CDH13: variants seen among roughly 807,000 people sequenced by gnomAD.
CDH13 encodes the protein cadherin 13, also known as cadherin-13.
A neutral mutation model predicts 63.8 loss-of-function variants in CDH13; 24 were observed. That is an observed-to-expected ratio of 0.38 (90% CI 0.27 to 0.53). The LOEUF is 0.53. Ranked by LOEUF, CDH13 falls within the 20% of genes least tolerant of loss-of-function variation. The pLI is 0.85. For synonymous variants in CDH13, 503 were observed against 355.3 expected, an observed-to-expected ratio of 1.42 and a Z score of -4.67; for missense variants, 1,049 against 903.1, an observed-to-expected ratio of 1.16 and a Z score of -2.07.
chr16:83,507,203 G>A (rs1004261239), intron 7 of CDH13, among the ~76,000 whole-genome samples: 3 of 152,102 alleles, frequency 2.0e-5, no homozygotes, highest in Non-Finnish European at 4.4e-5. Context: ...AGATTGTTTA[G>A]CATTCTATTA....
intron 2 of CDH13, among the ~76,000 whole-genome samples, chr16:82,967,250 C>A (rs1340914220): frequency 6.6e-6 from 1 of 152,012 alleles, no homozygotes; most frequent in Admixed American, 6.6e-5. Flanking sequence ...TCCTCACAAA[C>A]TCCCCTCTAC....
At position 82,987,208 on chromosome 16, in the gene CDH13, T is replaced by G. The variant is rs532410080; in HGVS notation, c.158-44802T>G. ...ATTCTCATGATTCAACTTCCCTGTC[T>G]TCTTTGGTTCTTCCAGTTACTGCTG... On this transcript the variant is annotated intron_variant, in intron 2 of 13. Coordinates refer to ENST00000567109, the MANE Select transcript of CDH13 (RefSeq NM_001257.5). Among the ~76,000 whole-genome samples, 309 of 152,298 alleles carry G rather than the reference T, an allele frequency of 2.0e-3. 2 individuals are homozygous for G. Among genetic ancestry groups the G allele is most frequent in the Middle Eastern group, 0.017 (5 of 294 alleles).
At chr16:83,391,859 G>C (rs971846687) in intron 6 of CDH13, among the ~76,000 whole-genome samples, 1 of 152,192 alleles carries the variant, frequency 6.6e-6, no homozygotes, top group African/African-American at 2.4e-5. Context: ...ATGTTCATCT[G>C]TACGAAAATA....
At chr16:82,961,932 C>G (rs1907076423) in intron 2 of CDH13, among the ~76,000 whole-genome samples, 1 of 152,158 alleles carries the variant, frequency 6.6e-6, no homozygotes, top group Non-Finnish European at 1.5e-5. Flanking sequence ...TATCTGGCCC[C>G]AAACATCGAT....
chr16:83,753,338 G>A (rs1448725300), intron 11 of CDH13, among the ~76,000 whole-genome samples: 2 of 152,118 alleles, frequency 1.3e-5, no homozygotes, highest in Non-Finnish European at 1.5e-5. Flanking sequence ...GAACCTAGGA[G>A]TTCAAAACCA....
intron 7 of CDH13, among the ~76,000 whole-genome samples, chr16:83,579,590 G>T (rs114237962): frequency 6.6e-6 from 1 of 151,992 alleles, no homozygotes; most frequent in Non-Finnish European, 1.5e-5. Context: ...CTCCCACCAG[G>T]TTCCTCCTCC....
chr16:82,751,935 C>G (rs907587584), intron 1 of CDH13, among the ~76,000 whole-genome samples: 1 of 152,128 alleles, frequency 6.6e-6, no homozygotes, highest in Non-Finnish European at 1.5e-5. Context: ...ACTTAACTGA[C>G]GAATTTATCG....
At chr16:83,709,763 A>G (rs553416749) in intron 10 of CDH13, among the ~76,000 whole-genome samples, 2 of 152,240 alleles carry the variant, frequency 1.3e-5, no homozygotes, top group South Asian at 2.1e-4. Context: ...AGACTTTGTC[A>G]TCCTGTGTAA....
chr16:83,664,573 G>A (rs1180468177), intron 8 of CDH13, among the ~76,000 whole-genome samples: 1 of 150,496 alleles, frequency 6.6e-6, no homozygotes, highest in African/African-American at 2.4e-5. Context: ...TATATATAGT[G>A]CACACAAACA....
intron 10 of CDH13, among the ~76,000 whole-genome samples, chr16:83,708,198 C>A (rs1415737233): frequency 6.6e-6 from 1 of 152,212 alleles, no homozygotes; most frequent in African/African-American, 2.4e-5. Context: ...ACGACAAAAG[C>A]GTCCTTTTGC....
chr16:82,881,681 C>T (rs1405318014), intron 2 of CDH13, among the ~76,000 whole-genome samples: 1 of 152,154 alleles, frequency 6.6e-6, no homozygotes, highest in Non-Finnish European at 1.5e-5. Flanking sequence ...GAAAACAAAG[C>T]CATCTGGTAT....
intron 2 of CDH13, among the ~76,000 whole-genome samples, chr16:83,019,959 T>A (rs1487787343): frequency 1.3e-5 from 2 of 152,176 alleles, no homozygotes; most frequent in Admixed American, 1.3e-4. Context: ...TTGACTTTTA[T>A]GACTGAAAGT....
chr16:83,305,614 T>C (rs1368293642), intron 5 of CDH13, among the ~76,000 whole-genome samples: 2 of 152,162 alleles, frequency 1.3e-5, no homozygotes, highest in African/African-American at 2.4e-5. Context: ...GCTATAACCT[T>C]GATGCAGTGG....
chr16:83,365,427 A>C (rs1367661128), intron 6 of CDH13, among the ~76,000 whole-genome samples: 1 of 152,192 alleles, frequency 6.6e-6, no homozygotes, highest in Non-Finnish European at 1.5e-5. Context: ...ATGCCCTTAC[A>C]TCCAGAATAA....
intron 1 of CDH13, among the ~76,000 whole-genome samples, chr16:82,714,035 G>A (rs923614073): frequency 2.0e-5 from 3 of 152,100 alleles, no homozygotes; most frequent in African/African-American, 4.8e-5. Context: ...CTGACCTCAG[G>A]TGATTCACCT....
chr16:82,682,543 A>G (rs990720303), intron 1 of CDH13, among the ~76,000 whole-genome samples: 43 of 152,258 alleles, frequency 2.8e-4, no homozygotes, highest in Non-Finnish European at 4.6e-4. Flanking sequence ...ATATCCAAGT[A>G]TGAAAGTTAA....
intron 12 of CDH13, among the ~76,000 whole-genome samples, chr16:83,781,337 A>T (rs760776256): frequency 2.0e-5 from 3 of 152,242 alleles, no homozygotes; most frequent in Non-Finnish European, 4.4e-5. Context: ...AAGAAAAAGA[A>T]AGACATTAGA....
At chr16:82,792,925 G>A (rs1323249454) in intron 1 of CDH13, among the ~76,000 whole-genome samples, 1 of 137,120 alleles carries the variant, frequency 7.3e-6, no homozygotes, top group Non-Finnish European at 1.7e-5. Flanking sequence ...CCATGGGCTT[G>A]GAGGGACGAC....
rs150696227 is a variant in CDH13, at chr16:83,223,394, G to A, written c.636+5897G>A. ...AAACCTACCCATGAGGGTGGAACAC[G>A]CATGCTCTAATCACCTCTAAAGGGC... is the stretch of plus-strand genomic sequence containing the variant. On this transcript the variant is annotated intron_variant, in intron 5 of 13. Transcript: ENST00000567109. Among the ~76,000 whole-genome samples the A allele has an allele frequency of 7.2e-3, 1,102 of 152,292 alleles. 16 individuals are homozygous for A. Among genetic ancestry groups the A allele is most frequent in the African/African-American group, 0.025 (1,021 of 41,552 alleles).
Sources: allele counts gnomAD v4.1 joint callset (sites outside exome capture counted in the v4.1 genomes callset), GRCh38; gene constraint gnomAD v4.1.1; transcripts MANE v1.5; gene names NCBI Gene and HGNC (gene_info 2026-07-23, HGNC 2026-07-21).